Variants in TMEM184B observed in about 807,000 individuals in gnomAD.
The protein encoded by TMEM184B is putative MAPK-activating protein FM08.
TMEM184B carries 17 observed loss-of-function variants against 41.8 expected under a neutral mutation model. The observed-to-expected ratio is 0.41, with a 90% CI of 0.28 to 0.61. The LOEUF (loss-of-function observed/expected upper bound fraction) is 0.61. Among genes scored for constraint, TMEM184B ranks in the 20% least tolerant of loss-of-function variants. The probability of loss-of-function intolerance (pLI) is 0.34; values close to 1 mark genes in which losing one functional copy is unlikely to be tolerated. For missense variants in TMEM184B, 393 were observed against 557.8 expected, an observed-to-expected ratio of 0.70 and a Z score of 2.98; for synonymous variants, 240 against 229.5, an observed-to-expected ratio of 1.05 and a Z score of -0.41.
chr22:38,225,682 C>G lies in TMEM184B; in HGVS notation c.618-89G>C. The G allele has an allele frequency of 7.3e-7, 1 of 1,375,766 alleles. No homozygotes were observed. Among genetic ancestry groups the G allele is most frequent in the African/African-American group, 1.5e-5 (1 of 65,816 alleles). The allele number at this position is 1,375,766 out of a possible 1,614,324, so 85.2% of individuals were successfully genotyped here. On this transcript the variant is annotated intron_variant, in intron 6 of 8. Coordinates refer to ENST00000361906, the MANE Select transcript of TMEM184B (RefSeq NM_012264.5). This position sits in a 1 kb window ranked among gnomAD's most constrained non-coding sequence, Gnocchi z 4.4. ...TGCACCACACACAGTCCCCATGGCT[C>G]TCAGCCCCACACCTCCAGCAGAGCT... is the stretch of plus-strand genomic sequence containing the variant.
intron 1 of TMEM184B, among the ~76,000 whole-genome samples, chr22:38,254,851 CTTTTT>C (rs71195097): frequency 2.3e-5 from 3 of 131,198 alleles, no homozygotes; most frequent in Non-Finnish European, 3.3e-5. Flanking sequence ...TTGGCACTTT[CTTTTT>C]TTTTTTTTTT....
chr22:38,240,390 A>G (rs116193803), intron 3 of TMEM184B, among the ~76,000 whole-genome samples: 2,111 of 152,210 alleles, frequency 0.014, 49 homozygotes, highest in African/African-American at 0.048. Flanking sequence ...AAGATTAAAA[A>G]AACAAACAAT....
At chr22:38,264,511 G>A (rs1410855578) in intron 1 of TMEM184B, among the ~76,000 whole-genome samples, 1 of 152,160 alleles carries the variant, frequency 6.6e-6, no homozygotes, top group African/African-American at 2.4e-5. Flanking sequence ...CAAGCTGCAG[G>A]GGACACCACA....
chr22:38,257,703 C>A (rs2092305616), intron 1 of TMEM184B, among the ~76,000 whole-genome samples: 1 of 152,182 alleles, frequency 6.6e-6, no homozygotes, highest in Non-Finnish European at 1.5e-5. Flanking sequence ...TACGTACACA[C>A]TGAAACAGTA....
intron 1 of TMEM184B, among the ~76,000 whole-genome samples, chr22:38,271,985 C>A (rs1050711754): frequency 6.6e-6 from 1 of 152,234 alleles, no homozygotes; most frequent in Non-Finnish European, 1.5e-5. Flanking sequence ...GCCTCCAGGG[C>A]ACAGATTGCT....
intron 3 of TMEM184B, among the ~76,000 whole-genome samples, chr22:38,237,300 T>C (rs1212019295): frequency 6.6e-6 from 1 of 152,224 alleles, no homozygotes; most frequent in Non-Finnish European, 1.5e-5. Flanking sequence ...GACTCAGTAC[T>C]TGCCCTCTCA....
At chr22:38,235,309 G>A (rs554324400) in intron 3 of TMEM184B, among the ~76,000 whole-genome samples, 66 of 152,290 alleles carry the variant, frequency 4.3e-4, no homozygotes, top group Non-Finnish European at 7.1e-4. Context: ...AGGCCCATAA[G>A]CCCTCTCTAT....
downstream of TMEM184B, among the ~76,000 whole-genome samples, chr22:38,218,348 C>A (rs1438617826): frequency 6.6e-6 from 1 of 152,132 alleles, no homozygotes; most frequent in African/African-American, 2.4e-5. Flanking sequence ...GCTGTGGGAT[C>A]TTTGGTACTT....
Position 38,221,508 on chromosome 22 carries a change from G to A in TMEM184B, c.1185C>T (p.Asn395=), listed in dbSNP as rs754311311. The A allele has an allele frequency of 3.2e-5, 52 of 1,613,088 alleles. No individual in the cohort carries two copies. The South Asian group carries it at 4.3e-4, about 13-fold the overall frequency. Residue 395 remains asparagine, a synonymous_variant, in exon 9 of 9, where the codon AAC becomes AAT. Coordinates refer to ENST00000361906, the MANE Select transcript of TMEM184B (RefSeq NM_012264.5). ...RSHSLSGARD[N]EKTLLLSSDD... ...CAGAGCTGAGCAGGAGAGTCTTCTC[G>A]TTGTCGCGGGCGCCACTGAGGCTGT...
chr22:38,234,792 G>A (rs373272647), intron 3 of TMEM184B, among the ~76,000 whole-genome samples: 52 of 152,308 alleles, frequency 3.4e-4, no homozygotes, highest in African/African-American at 1.2e-3. Context: ...AAGGTAAAGA[G>A]CCATGGGCCC....
chr22:38,245,652 G>A (rs1275876185), intron 3 of TMEM184B, among the ~76,000 whole-genome samples: 1 of 144,732 alleles, frequency 6.9e-6, no homozygotes, highest in Admixed American at 6.8e-5. Flanking sequence ...ATTGAGAAGC[G>A]AGACCCAGGT....
Position 38,226,659 on chromosome 22 carries a change from C to T in TMEM184B, c.617+120G>A. 3.0e-6 allele frequency: 3 copies of T among 1,000,288 alleles called. No individual in the cohort carries two copies. The highest frequency in any genetic ancestry group is 4.5e-6 in the Non-Finnish European group (3 of 673,588). 62.0% of individuals were successfully genotyped at this position (1,000,288 alleles called of 1,614,324 possible). On this transcript the variant is annotated intron_variant, in intron 6 of 8. Coordinates refer to ENST00000361906, the MANE Select transcript of TMEM184B (RefSeq NM_012264.5). The surrounding 1 kb of genome is among the most constrained non-coding windows in gnomAD (Gnocchi z 4.6). ...GCTCAGACTTCAGGGGGGTTGTGAG[C>T]ACCAGACACCCAGGAAGGTCATGGC...
Position 38,238,289 on chromosome 22 carries a change from G to A in TMEM184B, c.359-6955C>T, listed in dbSNP as rs183270437. ...GTCGCAGGCCGGAGTGCAGTGGTGC[G>A]ATCTCGGCTCACTGCAACCTCCGTC... is the stretch of plus-strand genomic sequence containing the variant. On this transcript the variant is annotated intron_variant, in intron 3 of 8. Transcript: ENST00000361906. Among the ~76,000 whole-genome samples, 10 of 148,264 alleles carry A rather than the reference G, an allele frequency of 6.7e-5. No individual in the cohort carries two copies. In the East Asian group the frequency reaches 1.8e-3, roughly 27 times the overall value.
rs1385188698 is a variant in TMEM184B at position 38,247,762 on chromosome 22, T to C, written c.192+8A>G. ...CCTTTCTAGAGGCCCCTTGCCAGGCTTGGGTACCTGGTGGCATGTGATGAG... is the reference window on the plus strand; with the variant it reads ...CCTTTCTAGAGGCCCCTTGCCAGGCCTGGGTACCTGGTGGCATGTGATGAG... On this transcript the variant is annotated splice_region_variant and intron_variant, in intron 2 of 8. Transcript: ENST00000361906. 1.2e-6 allele frequency: 2 copies of C among 1,608,692 alleles called. No individual in the cohort carries two copies. Among genetic ancestry groups the C allele is most frequent in the African/African-American group, 2.7e-5 (2 of 74,838 alleles).
chr22:38,231,898 C>T (rs1169623548), intron 3 of TMEM184B: 6 of 212,912 alleles, frequency 2.8e-5, no homozygotes, highest in Admixed American at 1.0e-4. Flanking sequence ...GAGGGGTGAA[C>T]CAGCCCAGGT....
At chr22:38,272,070 T>C (rs1361994487) in intron 1 of TMEM184B, among the ~76,000 whole-genome samples, 4 of 152,186 alleles carry the variant, frequency 2.6e-5, no homozygotes, top group African/African-American at 9.7e-5. Context: ...GTATCAGGCA[T>C]GCAAATACCT....
intron 1 of TMEM184B, among the ~76,000 whole-genome samples, chr22:38,250,101 C>T (rs1050966304): frequency 1.3e-5 from 2 of 152,220 alleles, no homozygotes; most frequent in African/African-American, 4.8e-5. Context: ...TCTCATGGTC[C>T]CTTCCAAATT....
chr22:38,261,777 C>T (rs1263590860), intron 1 of TMEM184B, among the ~76,000 whole-genome samples: 3 of 152,206 alleles, frequency 2.0e-5, no homozygotes, highest in South Asian at 2.1e-4. Flanking sequence ...CCCAACAATG[C>T]TACCACCCCA....
intron 1 of TMEM184B, among the ~76,000 whole-genome samples, chr22:38,264,119 A>C (rs2092410918): frequency 6.6e-6 from 1 of 152,162 alleles, no homozygotes; most frequent in African/African-American, 2.4e-5. Flanking sequence ...CATAGTTTAA[A>C]GTTGTCCAAG....
Sources: allele counts gnomAD v4.1 joint callset (sites outside exome capture counted in the v4.1 genomes callset), GRCh38; gene constraint gnomAD v4.1.1; non-coding constraint Gnocchi (gnomAD v3.1); transcripts MANE v1.5; gene names NCBI Gene and HGNC (gene_info 2026-07-23, HGNC 2026-07-21).